AGPAT4: variants seen among roughly 807,000 people sequenced by gnomAD.
AGPAT4 encodes the protein 1-acyl-sn-glycerol-3-phosphate acyltransferase delta.
A neutral mutation model predicts 48.0 loss-of-function variants in AGPAT4; 15 were observed. That is an observed-to-expected ratio of 0.31 (90% CI 0.21 to 0.48). The LOEUF (loss-of-function observed/expected upper bound fraction) is 0.48. Among genes scored for constraint, AGPAT4 ranks in the 20% least tolerant of loss-of-function variants. The pLI, the probability that AGPAT4 is intolerant of heterozygous loss-of-function variation, is 0.99. For synonymous variants in AGPAT4, 178 were observed against 198.7 expected, an observed-to-expected ratio of 0.90 and a Z score of 0.88; for missense variants, 314 against 482.5, an observed-to-expected ratio of 0.65 and a Z score of 3.27.
In AGPAT4 at chr6:161,141,618, A is replaced by T. The variant is rs1779253411; in HGVS notation, c.844-1998T>A. On this transcript the variant is annotated intron_variant, in intron 7 of 8. Transcript: ENST00000320285. This position sits in a 1 kb window ranked among gnomAD's most constrained non-coding sequence, Gnocchi z 6.7. Reference sequence around the variant, plus strand: ...AAAAAAACAGCTTTCTTAAGATGTCACTTACATGCCATAGAACTCACCCAT... The same window carrying T: ...AAAAAAACAGCTTTCTTAAGATGTCTCTTACATGCCATAGAACTCACCCAT... 6.6e-6 allele frequency among the ~76,000 whole-genome samples: 1 copy of T among 151,940 alleles called. No homozygotes were observed. The highest frequency in any genetic ancestry group is 2.4e-5 in the African/African-American group (1 of 41,344).
Position 161,207,093 on chromosome 6 carries a change from G to T in AGPAT4, c.178+24943C>A, listed in dbSNP as rs1677850318. Reference sequence around the variant, plus strand: ...TAGGGACTTTTTCCAATGCAGATAAGAATTTAAGAGTCTTATGTTTCTACC... The same window carrying T: ...TAGGGACTTTTTCCAATGCAGATAATAATTTAAGAGTCTTATGTTTCTACC... On this transcript the variant is annotated intron_variant, in intron 2 of 8. Coordinates refer to ENST00000320285, the MANE Select transcript of AGPAT4 (RefSeq NM_020133.3). 3.9e-5 allele frequency among the ~76,000 whole-genome samples: 6 copies of T among 152,310 alleles called. 2 individuals are homozygous for T. The South Asian group carries it at 1.2e-3, about 32-fold the overall frequency.
chr6:161,172,031 C>T (rs983537902), intron 2 of AGPAT4, among the ~76,000 whole-genome samples: 1 of 152,136 alleles, frequency 6.6e-6, no homozygotes, highest in South Asian at 2.1e-4. Flanking sequence ...TATTAAACAA[C>T]CAGAAAAAGC....
chr6:161,169,783 C>T lies in AGPAT4; in HGVS notation c.179-3366G>A. Among the ~76,000 whole-genome samples, 1 of 152,166 alleles carries T rather than the reference C, an allele frequency of 6.6e-6. No homozygotes were observed. Among genetic ancestry groups the T allele is most frequent in the East Asian group, 1.9e-4 (1 of 5,198 alleles). On this transcript the variant is annotated intron_variant, in intron 2 of 8. Coordinates refer to ENST00000320285, the MANE Select transcript of AGPAT4 (RefSeq NM_020133.3). The surrounding 1 kb of genome is among the most constrained non-coding windows in gnomAD (Gnocchi z 5.0). ...CTAGCTTCAGGATGTGTTACGCTGG[C>T]CTGGACTACATTTCCCAAACTTCCC... is the stretch of plus-strand genomic sequence containing the variant.
chr6:161,200,958 A>G lies in AGPAT4; in HGVS notation c.178+31078T>C, dbSNP rs1349443331. Among the ~76,000 whole-genome samples the G allele has an allele frequency of 2.0e-5, 3 of 152,226 alleles. No homozygotes were observed. Among genetic ancestry groups the G allele is most frequent in the African/African-American group, 7.2e-5 (3 of 41,458 alleles). On this transcript the variant is annotated intron_variant, in intron 2 of 8. Coordinates refer to ENST00000320285, the MANE Select transcript of AGPAT4 (RefSeq NM_020133.3). This position sits in a 1 kb window ranked among gnomAD's most constrained non-coding sequence, Gnocchi z 5.5. The stretch of plus-strand genomic sequence containing the variant: ...ACATTTCAGCCTGGGGTCACTGCAA[A>G]GCTGGGCCAGCCTGTGATCCTTTCC...
chr6:161,248,942 G>A (rs2115051062), intron 1 of AGPAT4, among the ~76,000 whole-genome samples: 1 of 152,196 alleles, frequency 6.6e-6, no homozygotes, highest in Middle Eastern at 3.4e-3. Context: ...GTAACCAAAT[G>A]GGCATGGTAC....
intron 3 of AGPAT4, chr6:161,160,884 G>A: frequency 2.5e-6 from 1 of 402,586 alleles, no homozygotes; most frequent in South Asian, 1.8e-5. Context: ...GGGAAAACAG[G>A]ACGTCCCCAG....
rs1270315436 is a variant in AGPAT4 at position 161,267,562 on chromosome 6, A to C, written c.-90+6376T>G. On this transcript the variant is annotated intron_variant, in intron 1 of 8. Transcript: ENST00000320285. The surrounding 1 kb of genome is among the most constrained non-coding windows in gnomAD (Gnocchi z 5.2). ...AACCCTGTCTCTACTAAAAATACAC[A>C]CGCAAAAAAATTAGCCAGGTGTGGT... is the stretch of plus-strand genomic sequence containing the variant. Among the ~76,000 whole-genome samples the C allele has an allele frequency of 6.6e-6, 1 of 151,936 alleles. No individual in the cohort carries two copies. Among genetic ancestry groups the C allele is most frequent in the East Asian group, 1.9e-4 (1 of 5,166 alleles).
chr6:161,211,619 AAG>A (rs1345820518), intron 2 of AGPAT4, among the ~76,000 whole-genome samples: 3 of 152,194 alleles, frequency 2.0e-5, no homozygotes, highest in African/African-American at 7.2e-5. Context: ...AAGTCATAAA[AAG>A]AGATTTTTAA....
In AGPAT4 at chr6:161,233,109, CCACACA is replaced by C. The variant is rs56226316; in HGVS notation, c.-89-813_-89-808del. 7.3e-3 allele frequency among the ~76,000 whole-genome samples: 1,075 copies of C among 147,394 alleles called. 7 individuals are homozygous for C. Among genetic ancestry groups the C allele is most frequent in the African/African-American group, 0.02 (791 of 40,280 alleles). On this transcript the variant is annotated intron_variant, in intron 1 of 8. Transcript: ENST00000320285. This position sits in a 1 kb window ranked among gnomAD's most constrained non-coding sequence, Gnocchi z 5.4. ...AGACACATAGACACACACACAAACACCACACACACACACACACACACACACACACAC... is the reference window on the plus strand; with the variant it reads ...AGACACATAGACACACACACAAACACCACACACACACACACACACACACAC...
rs552527945 is a variant in AGPAT4, at chr6:161,178,063, T to C, written c.179-11646A>G. On this transcript the variant is annotated intron_variant, in intron 2 of 8. Transcript: ENST00000320285. The surrounding 1 kb of genome is among the most constrained non-coding windows in gnomAD (Gnocchi z 5.1). ...GTATGTGGTGTCAAATGGCCCCTAC[T>C]GGGAGGTGTCTCCCAGTTAGGCTAC... is the stretch of plus-strand genomic sequence containing the variant. 6.6e-6 allele frequency among the ~76,000 whole-genome samples: 1 copy of C among 152,336 alleles called. No homozygotes were observed. Among genetic ancestry groups the C allele is most frequent in the East Asian group, 1.9e-4 (1 of 5,174 alleles).
chr6:161,156,325 C>CTA (rs1779767953), intron 3 of AGPAT4, among the ~76,000 whole-genome samples: 1 of 152,186 alleles, frequency 6.6e-6, no homozygotes, highest in Non-Finnish European at 1.5e-5. Flanking sequence ...GTCCATGTGC[C>CTA]TATTGTCTGC....
rs962717011 is a variant in AGPAT4, at chr6:161,214,630, A to G, written c.178+17406T>C. 6.6e-6 allele frequency among the ~76,000 whole-genome samples: 1 copy of G among 152,152 alleles called. No homozygotes were observed. Among genetic ancestry groups the G allele is most frequent in the East Asian group, 1.9e-4 (1 of 5,200 alleles). ...AAAGATACAAAAAAATTAGCTGGGC[A>G]TGGTGGCACACACCTGTAGTCCCAG... On this transcript the variant is annotated intron_variant, in intron 2 of 8. Coordinates refer to ENST00000320285, the MANE Select transcript of AGPAT4 (RefSeq NM_020133.3). This position sits in a 1 kb window ranked among gnomAD's most constrained non-coding sequence, Gnocchi z 5.4.
Position 161,197,736 on chromosome 6 carries a change from T to A in AGPAT4, c.179-31319A>T, listed in dbSNP as rs1372626116. Among the ~76,000 whole-genome samples, 1 of 152,184 alleles carries A rather than the reference T, an allele frequency of 6.6e-6. No homozygotes were observed. The highest frequency in any genetic ancestry group is 1.9e-4 in the East Asian group (1 of 5,192). On this transcript the variant is annotated intron_variant, in intron 2 of 8. Coordinates refer to ENST00000320285, the MANE Select transcript of AGPAT4 (RefSeq NM_020133.3). This position sits in a 1 kb window ranked among gnomAD's most constrained non-coding sequence, Gnocchi z 5.7. ...AAGGAGAGCCTGGGAAGGAGACCACTGGCCTAGCCCCAGGGAGGTCACCCA... is the reference window on the plus strand; with the variant it reads ...AAGGAGAGCCTGGGAAGGAGACCACAGGCCTAGCCCCAGGGAGGTCACCCA...
intron 2 of AGPAT4, among the ~76,000 whole-genome samples, chr6:161,174,858 C>T (rs79980188): frequency 0.084 from 12,766 of 152,094 alleles, 662 homozygotes; most frequent in Non-Finnish European, 0.12. Context: ...TAGCATGAAG[C>T]GCTGTTGAAT....
Position 161,255,947 on chromosome 6 carries a change from A to G in AGPAT4, c.-90+17991T>C, listed in dbSNP as rs9458172. 0.17 allele frequency among the ~76,000 whole-genome samples: 26,438 copies of G among 152,170 alleles called. 2,411 individuals are homozygous for G. The highest frequency in any genetic ancestry group is 0.19 in the Non-Finnish European group (13,065 of 67,998). ...GCCCCACAGAAGACAAAACATAAGC[A>G]GAGTCAGCCTTCAGTCCACACAGCC... is the stretch of plus-strand genomic sequence containing the variant. On this transcript the variant is annotated intron_variant, in intron 1 of 8. Transcript: ENST00000320285. The surrounding 1 kb of genome is among the most constrained non-coding windows in gnomAD (Gnocchi z 4.7).
chr6:161,252,785 G>A (rs1782839610), intron 1 of AGPAT4, among the ~76,000 whole-genome samples: 1 of 152,144 alleles, frequency 6.6e-6, no homozygotes, highest in Admixed American at 6.6e-5. Flanking sequence ...ATTCCAGCCT[G>A]GGTGACACAG....
At chr6:161,203,499 C>G (rs750261716) in intron 2 of AGPAT4, among the ~76,000 whole-genome samples, 1 of 150,664 alleles carries the variant, frequency 6.6e-6, no homozygotes, top group Non-Finnish European at 1.5e-5. Context: ...AGCGATTCTC[C>G]TGCCCCGGCC....
At chr6:161,199,162 C>G (rs1287341639) in intron 2 of AGPAT4, among the ~76,000 whole-genome samples, 4 of 151,622 alleles carry the variant, frequency 2.6e-5, no homozygotes, top group Non-Finnish European at 5.9e-5. Context: ...TAGCACATTG[C>G]AACACTGTGC....
In AGPAT4 at chr6:161,166,036, T is replaced by C. The variant is rs1164323903; in HGVS notation, c.348+212A>G. On this transcript the variant is annotated intron_variant, in intron 3 of 8. Coordinates refer to ENST00000320285, the MANE Select transcript of AGPAT4 (RefSeq NM_020133.3). The surrounding 1 kb of genome is among the most constrained non-coding windows in gnomAD (Gnocchi z 6.7). The stretch of plus-strand genomic sequence containing the variant: ...AATCATATGTAAAATGGCCGGCAGG[T>C]AGCAATTGTTGAGTACCTCTTATGA... 2.6e-5 allele frequency: 17 copies of C among 647,686 alleles called. No individual in the cohort carries two copies. Among genetic ancestry groups the C allele is most frequent in the Non-Finnish European group, 4.1e-5 (15 of 367,378 alleles). 40.1% of individuals were successfully genotyped at this position (647,686 alleles called of 1,614,324 possible). A position where few individuals can be genotyped will look rare whatever the true frequency, so the allele number is the denominator to read the frequency against.
Sources: gnomAD v4.1 joint callset for allele counts (sites outside exome capture counted in the v4.1 genomes callset) on GRCh38, gnomAD v4.1.1 for gene constraint, Gnocchi (gnomAD v3.1) non-coding constraint, MANE v1.5 for transcripts, NCBI Gene and HGNC (gene_info 2026-07-23, HGNC 2026-07-21) for gene names.